The following ZFPM2 variants were observed in gnomAD, a reference collection of about 807,000 sequenced individuals.
ZFPM2 encodes zinc finger protein ZFPM2.
ZFPM2 carries 20 observed loss-of-function variants against 98.6 expected under a neutral mutation model. The observed-to-expected ratio is 0.20, with a 90% confidence interval of 0.14 to 0.29. The LOEUF is 0.29. Among genes scored for constraint, ZFPM2 ranks in the 10% least tolerant of loss-of-function variants. ZFPM2 has a pLI of 1.00. For missense variants in ZFPM2, 1,310 were observed against 1,388.6 expected (o/e 0.94, Z 0.90); for synonymous variants, 518 against 502.7 (o/e 1.03, Z -0.41).
chr8:105,624,233 A>G (rs1398960995), intron 4 of ZFPM2, among the ~76,000 whole-genome samples: 1 of 152,148 alleles, frequency 6.6e-6, no homozygotes, highest in Non-Finnish European at 1.5e-5. Flanking sequence ...AGAGCAATTT[A>G]CTTTTCTCTT....
chr8:105,437,453 C>T (rs1812142577), intron 2 of ZFPM2, among the ~76,000 whole-genome samples: 1 of 151,826 alleles, frequency 6.6e-6, no homozygotes, highest in African/African-American at 2.4e-5. Flanking sequence ...CTTGTTCAAT[C>T]AACCCCTTAA....
intron 4 of ZFPM2, among the ~76,000 whole-genome samples, chr8:105,632,968 GT>G (rs1398929937): frequency 6.6e-6 from 1 of 152,020 alleles, no homozygotes; most frequent in Non-Finnish European, 1.5e-5. Flanking sequence ...TTTTATAGTA[GT>G]TTTAACAGTT....
intron 1 of ZFPM2, among the ~76,000 whole-genome samples, chr8:105,372,936 G>A (rs752604717): frequency 6.6e-6 from 1 of 152,094 alleles, no homozygotes; most frequent in Non-Finnish European, 1.5e-5. Context: ...AATATAAAGG[G>A]AAGTAAGAGA....
At chr8:105,677,843 T>C (rs943665962) in intron 5 of ZFPM2, among the ~76,000 whole-genome samples, 1 of 152,194 alleles carries the variant, frequency 6.6e-6, no homozygotes, top group Non-Finnish European at 1.5e-5. Flanking sequence ...GACGAAGTTA[T>C]TGTACTTCCA....
At chr8:105,364,158 G>C (rs1015789440) in intron 1 of ZFPM2, among the ~76,000 whole-genome samples, 5 of 152,098 alleles carry the variant, frequency 3.3e-5, no homozygotes, top group African/African-American at 1.2e-4. Flanking sequence ...GACTTAAAAT[G>C]CATGTCTTTC....
At chr8:105,756,243 C>G (rs1586242137) in intron 5 of ZFPM2, among the ~76,000 whole-genome samples, 1 of 152,156 alleles carries the variant, frequency 6.6e-6, no homozygotes, top group East Asian at 1.9e-4. Context: ...CCCTGTAGCC[C>G]TTTTGAAAAT....
At chr8:105,488,012 C>T (rs772953557) in intron 3 of ZFPM2, among the ~76,000 whole-genome samples, 3 of 151,588 alleles carry the variant, frequency 2.0e-5, no homozygotes, top group Non-Finnish European at 4.4e-5. Context: ...AGCGAAGGTG[C>T]AGAAGCATCC....
chr8:105,562,168 G>A (rs1815152459), intron 4 of ZFPM2, among the ~76,000 whole-genome samples: 1 of 151,924 alleles, frequency 6.6e-6, no homozygotes, highest in South Asian at 2.1e-4. Flanking sequence ...AAATTAGCCA[G>A]ACATGGTGGC....
At chr8:105,525,276 G>C (rs771562963) in intron 3 of ZFPM2, among the ~76,000 whole-genome samples, 2 of 152,050 alleles carry the variant, frequency 1.3e-5, no homozygotes, top group Non-Finnish European at 2.9e-5. Context: ...TGTTGCCATC[G>C]GCACAGTTAC....
intron 3 of ZFPM2, among the ~76,000 whole-genome samples, chr8:105,559,255 C>T (rs1290905791): frequency 6.6e-6 from 1 of 152,138 alleles, no homozygotes; most frequent in Admixed American, 6.5e-5. Flanking sequence ...ACTGGATAAG[C>T]ATCAGGATCT....
rs184075456 is a variant in ZFPM2, at chr8:105,647,590, A to T, written c.532+13233A>T. 6.8e-3 allele frequency among the ~76,000 whole-genome samples: 973 copies of T among 143,824 alleles called. 7 individuals are homozygous for T. The highest frequency in any genetic ancestry group is 0.02 in the African/African-American group (790 of 39,176). 94.4% of individuals were successfully genotyped at this position (143,824 alleles called of 152,430 possible). On this transcript the variant is annotated intron_variant, in intron 5 of 7. Transcript: ENST00000407775. ...CCCCACCCTGTGTCCAAGTGTTCTC[A>T]TTGTTCAATTCCCACCTGTGAGTGA...
chr8:105,395,162 C>G (rs540006491), intron 1 of ZFPM2, among the ~76,000 whole-genome samples: 1 of 152,302 alleles, frequency 6.6e-6, no homozygotes, highest in South Asian at 2.1e-4. Context: ...CCAAATCCTT[C>G]CGCTACAGAA....
intron 3 of ZFPM2, among the ~76,000 whole-genome samples, chr8:105,557,783 A>G (rs764827702): frequency 6.6e-6 from 1 of 152,198 alleles, no homozygotes; most frequent in East Asian, 1.9e-4. Flanking sequence ...GAGCTTTTCC[A>G]TCTTATTTCA....
At chr8:105,731,123 A>G (rs756991611) in intron 5 of ZFPM2, among the ~76,000 whole-genome samples, 1 of 151,822 alleles carries the variant, frequency 6.6e-6, no homozygotes, top group Non-Finnish European at 1.5e-5. Flanking sequence ...TTTAGGCTTC[A>G]GATCCACAAT....
At chr8:105,670,011 G>C (rs1164727754) in intron 5 of ZFPM2, 1 of 152,150 alleles carries the variant, frequency 6.6e-6, no homozygotes, top group Non-Finnish European at 1.5e-5. Flanking sequence ...CATTAGCGAA[G>C]AATGACAGCA....
intron 4 of ZFPM2, among the ~76,000 whole-genome samples, chr8:105,587,685 T>C (rs1815753385): frequency 6.6e-6 from 1 of 152,166 alleles, no homozygotes; most frequent in Non-Finnish European, 1.5e-5. Context: ...AATTCCACAG[T>C]ATTATAAATT....
chr8:105,446,186 C>T (rs1448148604), intron 3 of ZFPM2, among the ~76,000 whole-genome samples: 2 of 152,176 alleles, frequency 1.3e-5, no homozygotes, highest in Non-Finnish European at 2.9e-5. Flanking sequence ...TCCCAAAGTG[C>T]TGGGATTACA....
chr8:105,489,695 C>T (rs1480609469), intron 3 of ZFPM2, among the ~76,000 whole-genome samples: 1 of 151,404 alleles, frequency 6.6e-6, no homozygotes, highest in Admixed American at 6.6e-5. Context: ...AACTCCTGAT[C>T]TCAGGTGAAC....
intron 3 of ZFPM2, among the ~76,000 whole-genome samples, chr8:105,498,265 GAT>G (rs1813516589): frequency 2.6e-5 from 4 of 152,192 alleles, no homozygotes; most frequent in South Asian, 2.1e-4. Flanking sequence ...CTCACATATT[GAT>G]ATATAACATG....
Sources: allele counts gnomAD v4.1 joint callset (sites outside exome capture counted in the v4.1 genomes callset), GRCh38; gene constraint gnomAD v4.1.1; transcripts MANE v1.5; gene names NCBI Gene and HGNC (gene_info 2026-07-23, HGNC 2026-07-21).